EIF2AK1: variants seen among roughly 807,000 people sequenced by gnomAD.
The protein encoded by EIF2AK1 is eukaryotic translation initiation factor 2 alpha kinase 1.
Under a neutral mutation model 77.9 loss-of-function variants are expected in EIF2AK1, and 54 were observed. The observed-to-expected ratio is 0.69, with a 90% CI of 0.56 to 0.87. The LOEUF is 0.87. Among genes scored for constraint, EIF2AK1 ranks in the 40% least tolerant of loss-of-function variants. The probability of loss-of-function intolerance (pLI) is 0.00; values close to 1 mark genes in which losing one functional copy is unlikely to be tolerated. For missense variants in EIF2AK1, 810 were observed against 768.6 expected, an observed-to-expected ratio of 1.05 and a Z score of -0.64; for synonymous variants, 314 against 290.5, an observed-to-expected ratio of 1.08 and a Z score of -0.82.
intron 1 of EIF2AK1, among the ~76,000 whole-genome samples, chr7:6,055,412 C>CTATCTTA (rs1163349565): frequency 1.0e-4 from 15 of 147,564 alleles, no homozygotes; most frequent in African/African-American, 3.7e-4. Flanking sequence ...GGAAACTTTT[C>CTATCTTA]TCGATGAGCG....
chr7:6,046,939 T>G, intron 5 of EIF2AK1, 53 bp downstream of exon 5: 1 of 1,424,298 alleles, frequency 7.0e-7, no homozygotes, highest in Non-Finnish European at 9.6e-7. Flanking sequence ...AAACAATATC[T>G]GAAAACACAA....
In EIF2AK1 at chr7:6,027,265, CAAT is replaced by C. The variant is rs1226726965; in HGVS notation, c.1531-307_1531-305del. ...CTTAACAATCCAGGCCTGACCCAGG[CAAT>C]GATGTGAGCTCACGCCTGCTAGTGT... On this transcript the variant is annotated intron_variant, in intron 13 of 14. Transcript: ENST00000199389. This position sits in a 1 kb window ranked among gnomAD's most constrained non-coding sequence, Gnocchi z 4.5. 7.9e-5 allele frequency among the ~76,000 whole-genome samples: 12 copies of C among 152,202 alleles called. No homozygotes were observed. The highest frequency in any genetic ancestry group is 2.7e-4 in the African/African-American group (11 of 41,454).
In EIF2AK1 at chr7:6,047,107, A is replaced by G. The variant is rs569079663; in HGVS notation, c.450-16T>C. ...TTCCCTTGATCTGAAAGTTAAATAC[A>G]AACAATCAATATTAAAACATGAGAG... On this transcript the variant is annotated splice_polypyrimidine_tract_variant and intron_variant, in intron 4 of 14. Coordinates refer to ENST00000199389, the MANE Select transcript of EIF2AK1 (RefSeq NM_014413.4). 2 of 1,599,280 alleles carry G rather than the reference A, an allele frequency of 1.3e-6. No homozygotes were observed. Among genetic ancestry groups the G allele is most frequent in the African/African-American group, 1.3e-5 (1 of 74,578 alleles).
Position 6,035,645 on chromosome 7 carries a change from C to A in EIF2AK1, c.1332+1779G>T. On this transcript the variant is annotated intron_variant, in intron 11 of 14. Coordinates refer to ENST00000199389, the MANE Select transcript of EIF2AK1 (RefSeq NM_014413.4). The surrounding 1 kb of genome is among the most constrained non-coding windows in gnomAD (Gnocchi z 5.5). The stretch of plus-strand genomic sequence containing the variant: ...AAATCAGCAACAAACGTTCACCACT[C>A]CACCTGGCCATAGCATATGGTTGCT... 6.4e-7 allele frequency: 1 copy of A among 1,550,750 alleles called. No homozygotes were observed. The highest frequency in any genetic ancestry group is 1.2e-5 in the South Asian group (1 of 84,064).
chr7:6,052,610 A>AAAAC (rs1788638063), intron 2 of EIF2AK1, among the ~76,000 whole-genome samples: 1 of 141,124 alleles, frequency 7.1e-6, no homozygotes, highest in Non-Finnish European at 1.6e-5. Flanking sequence ...AAAAAAAAGA[A>AAAAC]CCTCAGAATC....
rs1428809454 is a variant in EIF2AK1 at position 6,036,373 on chromosome 7, C to T, written c.1332+1051G>A. 6.8e-7 allele frequency: 1 copy of T among 1,478,456 alleles called. No homozygotes were observed. Among genetic ancestry groups the T allele is most frequent in the Admixed American group, 2.5e-5 (1 of 39,318 alleles). The allele number at this position is 1,478,456 out of a possible 1,614,324, so 91.6% of individuals were successfully genotyped here. The stretch of plus-strand genomic sequence containing the variant: ...TCTGTCTACTGCTGTTATGACTTGG[C>T]ATATACCTCTTGAAATAAGACCTCC... On this transcript the variant is annotated intron_variant, in intron 11 of 14. Transcript: ENST00000199389. This position sits in a 1 kb window ranked among gnomAD's most constrained non-coding sequence, Gnocchi z 4.6.
At chr7:6,055,534 C>G (rs114522049) in intron 1 of EIF2AK1, among the ~76,000 whole-genome samples, 58 of 152,002 alleles carry the variant, frequency 3.8e-4, no homozygotes, top group African/African-American at 1.3e-3. Flanking sequence ...GGCTGAGGAA[C>G]CAGTGAACAA....
chr7:6,050,004 A>G lies in EIF2AK1; in HGVS notation c.319T>C (p.Phe107Leu). The G allele has an allele frequency of 6.2e-7, 1 of 1,612,946 alleles. No homozygotes were observed. The highest frequency in any genetic ancestry group is 8.5e-7 in the Non-Finnish European group (1 of 1,179,524). ...GAGCTAAACTCGTCACTACAAGTGA[A>G]AGAAGACAGCAGCCCCATTTTGATA... ...TFIKMGLLSS[F>L]TCSDEFSSLR... Residue 107 changes from phenylalanine to leucine, a missense_variant, in exon 3 of 15, where the codon TTC becomes CTC. This residue lies in a region of EIF2AK1 where 246 missense variants were observed against 199.0 expected (regional missense o/e 1.24). Transcript: ENST00000199389.
Position 6,028,926 on chromosome 7 carries a change from T to G in EIF2AK1, c.1439A>C (p.Asn480Thr). The change falls in exon 12 of 15, where the codon AAC (asparagine) becomes ACC (threonine). Residue 480 changes from asparagine to threonine, a missense_variant. This residue lies in a region of EIF2AK1 where 549 missense variants were observed against 533.7 expected (regional missense o/e 1.03). Coordinates refer to ENST00000199389, the MANE Select transcript of EIF2AK1 (RefSeq NM_014413.4). ...LQKNTDWTNR[N>T]GKRTPTHTSR... ...CAAAACCAAAAACTTACTCTTCCCG[T>G]TTCTGTTGGTCCAGTCTGTGTTCTT... The G allele has an allele frequency of 6.3e-7, 1 of 1,598,204 alleles. No individual in the cohort carries two copies.
Position 6,032,817 on chromosome 7 carries a change from G to T in EIF2AK1, c.1333-3785C>A. The T allele has an allele frequency of 6.5e-7, 1 of 1,536,862 alleles. No individual in the cohort carries two copies. The highest frequency in any genetic ancestry group is 1.2e-5 in the South Asian group (1 of 83,770). On this transcript the variant is annotated intron_variant, in intron 11 of 14. Transcript: ENST00000199389. The surrounding 1 kb of genome is among the most constrained non-coding windows in gnomAD (Gnocchi z 4.3). ...TTAACTACACAGGGCCACTTGTAATGTGTTTTGTTTTCCCTCCAAAGCCGA... is the reference window on the plus strand; with the variant it reads ...TTAACTACACAGGGCCACTTGTAATTTGTTTTGTTTTCCCTCCAAAGCCGA...
rs1387082798 is a variant in EIF2AK1, at chr7:6,027,351, C to T, written c.1531-390G>A. Among the ~76,000 whole-genome samples, 1 of 152,204 alleles carries T rather than the reference C, an allele frequency of 6.6e-6. No individual in the cohort carries two copies. The highest frequency in any genetic ancestry group is 1.5e-5 in the Non-Finnish European group (1 of 68,024). The stretch of plus-strand genomic sequence containing the variant: ...TCTCCTCCGGTCTCACCTCTGCCTC[C>T]ACTCATTCTTACCAAGTGTCCTTGG... On this transcript the variant is annotated intron_variant, in intron 13 of 14. Coordinates refer to ENST00000199389, the MANE Select transcript of EIF2AK1 (RefSeq NM_014413.4). The surrounding 1 kb of genome is among the most constrained non-coding windows in gnomAD (Gnocchi z 4.5).
Position 6,036,207 on chromosome 7 carries a change from C to A in EIF2AK1, c.1332+1217G>T. ...TGCAGGAATCATGCTACCAGAATTCCGCCTCTTAAGGGACACCCTAATAAA... is the reference window on the plus strand; with the variant it reads ...TGCAGGAATCATGCTACCAGAATTCAGCCTCTTAAGGGACACCCTAATAAA... On this transcript the variant is annotated intron_variant, in intron 11 of 14. Coordinates refer to ENST00000199389, the MANE Select transcript of EIF2AK1 (RefSeq NM_014413.4). The surrounding 1 kb of genome is among the most constrained non-coding windows in gnomAD (Gnocchi z 4.6). The A allele has an allele frequency of 3.2e-6, 5 of 1,549,694 alleles. No individual in the cohort carries two copies. The highest frequency in any genetic ancestry group is 4.4e-6 in the Non-Finnish European group (5 of 1,146,606).
intron 1 of EIF2AK1, among the ~76,000 whole-genome samples, chr7:6,057,911 G>C (rs1048326252): frequency 4.6e-5 from 7 of 152,100 alleles, no homozygotes; most frequent in Non-Finnish European, 2.9e-5. Flanking sequence ...TTACAGGCGT[G>C]ACCCCACTGG....
chr7:6,056,609 A>AAAAAAAAAAAAAAAAATAAAAAAAT (rs1788772426), intron 1 of EIF2AK1, among the ~76,000 whole-genome samples: 1 of 26,714 alleles, frequency 3.7e-5, no homozygotes, highest in Non-Finnish European at 7.8e-5. Flanking sequence ...AAAAAAAAAA[A>AAAAAAAAAAAAAAAAATAAAAAAAT]AAAAATATAT....
At chr7:6,050,239 CAG>C (rs1232844243) in intron 2 of EIF2AK1, among the ~76,000 whole-genome samples, 194 bp from the exon 3 acceptor site, 1 of 151,938 alleles carries the variant, frequency 6.6e-6, no homozygotes, top group Non-Finnish European at 1.5e-5. Flanking sequence ...TTTTTTGAGA[CAG>C]AGAGTGCAGT....
intron 14 of EIF2AK1, chr7:6,026,495 A>G: frequency 1.5e-6 from 1 of 675,642 alleles, no homozygotes; most frequent in South Asian, 1.5e-5. Flanking sequence ...ACCAGCAGAT[A>G]CCTCCTGTGC....
At chr7:6,034,916 G>A (rs924530110) in intron 11 of EIF2AK1, among the ~76,000 whole-genome samples, 3 of 152,102 alleles carry the variant, frequency 2.0e-5, no homozygotes, top group Non-Finnish European at 4.4e-5. Flanking sequence ...GAAAAATGTC[G>A]GGTAGGAGAG....
chr7:6,051,471 C>G (rs2128891522), intron 2 of EIF2AK1, among the ~76,000 whole-genome samples: 1 of 152,004 alleles, frequency 6.6e-6, no homozygotes, highest in Non-Finnish European at 1.5e-5. Context: ...ACCCTGTTGC[C>G]CAAATTGGAG....
rs772120303 is a variant in EIF2AK1 at position 6,038,577 on chromosome 7, T to A, written c.1214A>T (p.Tyr405Phe). 1 of 1,612,018 alleles carries A rather than the reference T, an allele frequency of 6.2e-7. No homozygotes were observed. The highest frequency in any genetic ancestry group is 1.1e-5 in the South Asian group (1 of 90,702). Residue 405 changes from tyrosine (Y) to phenylalanine (F), a missense_variant, in exon 10 of 15, where the codon TAT (tyrosine) becomes TTT (phenylalanine). This residue lies in a region of EIF2AK1 where 549 missense variants were observed against 533.7 expected (regional missense o/e 1.03). Transcript: ENST00000199389. ...GTACTCACAGGCAGACTCGTCCACA[T>A]ACTCCCGGCCCCGCTTGTTTCTCTC... ...IVERNKRGRE[Y>F]VDESACPYVM...
Sources: allele counts gnomAD v4.1 joint callset (sites outside exome capture counted in the v4.1 genomes callset), GRCh38; gene constraint gnomAD v4.1.1; regional missense constraint gnomAD v4.1.1; non-coding constraint Gnocchi (gnomAD v3.1); transcripts MANE v1.5; gene names NCBI Gene and HGNC (gene_info 2026-07-23, HGNC 2026-07-21).